The following BRINP3 variants were observed in gnomAD, a reference collection of about 807,000 sequenced individuals.
BRINP3 encodes BMP/retinoic acid inducible neural specific 3.
BRINP3 carries 19 observed loss-of-function variants against 71.0 expected under a neutral mutation model. That is an observed-to-expected ratio of 0.27 (90% CI 0.19 to 0.39). The LOEUF (loss-of-function observed/expected upper bound fraction) is 0.39. Among genes scored for constraint, BRINP3 ranks in the 10% least tolerant of loss-of-function variants. The pLI, the probability that BRINP3 is intolerant of heterozygous loss-of-function variation, is 1.00. For missense variants in BRINP3, 959 were observed against 940.8 expected (o/e 1.02, Z -0.25); for synonymous variants, 380 against 337.7 (o/e 1.13, Z -1.37).
intron 6 of BRINP3, among the ~76,000 whole-genome samples, chr1:190,192,505 C>T (rs927570439): frequency 1.3e-5 from 2 of 150,556 alleles, no homozygotes; most frequent in African/African-American, 4.9e-5. Context: ...CCAACATGTC[C>T]TGTTTGATAT....
At chr1:190,113,526 G>A (rs2102290507) in intron 7 of BRINP3, among the ~76,000 whole-genome samples, 1 of 152,236 alleles carries the variant, frequency 6.6e-6, no homozygotes, top group East Asian at 1.9e-4. Flanking sequence ...TAAACAAACA[G>A]CATGTGTCTC....
chr1:190,473,540 CTT>C (rs201424484), intron 1 of BRINP3, among the ~76,000 whole-genome samples: 57 of 132,998 alleles, frequency 4.3e-4, no homozygotes, highest in Admixed American at 6.1e-4. Flanking sequence ...TAATTTTTCT[CTT>C]TTTTTTTTTT....
At chr1:190,389,118 C>CA (rs1671088591) in intron 2 of BRINP3, among the ~76,000 whole-genome samples, 1 of 151,266 alleles carries the variant, frequency 6.6e-6, no homozygotes, top group Non-Finnish European at 1.5e-5. Flanking sequence ...TTTTATTTAG[C>CA]AAAAAATAAA....
rs775024077 is a variant in BRINP3 at position 190,454,766 on chromosome 1, C to G, written c.125G>C (p.Ser42Thr). The G allele has an allele frequency of 1.5e-5, 24 of 1,614,048 alleles. No homozygotes were observed. Among genetic ancestry groups the G allele is most frequent in the Non-Finnish European group, 1.6e-5 (19 of 1,180,036 alleles). The change falls in exon 2 of 8, where the codon AGC becomes ACC. Residue 42 changes from serine (S) to threonine (T), a missense_variant. Transcript: ENST00000367462. ...ATCAGAGAGGAGCCAGTCGAAGGGG[C>G]TTGTGGCATGCTGATCCGAAACAGC... ...VAAVSDQHAT[S>T]PFDWLLSDKG...
At chr1:190,340,727 C>T (rs1667600532) in intron 2 of BRINP3, among the ~76,000 whole-genome samples, 1 of 151,268 alleles carries the variant, frequency 6.6e-6, no homozygotes, top group South Asian at 2.1e-4. Context: ...AACAAAATCT[C>T]ATAGGCCCTG....
intron 6 of BRINP3, among the ~76,000 whole-genome samples, chr1:190,187,556 T>C (rs2102558691): frequency 6.6e-6 from 1 of 152,248 alleles, no homozygotes; most frequent in South Asian, 2.1e-4. Flanking sequence ...GATTTATGTA[T>C]ATGGCGTGAC....
At chr1:190,196,831 G>A (rs987938938) in intron 6 of BRINP3, among the ~76,000 whole-genome samples, 2 of 151,734 alleles carry the variant, frequency 1.3e-5, no homozygotes, top group Non-Finnish European at 2.9e-5. Flanking sequence ...GATAGTCACT[G>A]AGAAACTTTC....
At chr1:190,402,678 C>A (rs1672006936) in intron 2 of BRINP3, among the ~76,000 whole-genome samples, 1 of 152,062 alleles carries the variant, frequency 6.6e-6, no homozygotes, top group African/African-American at 2.4e-5. Context: ...ATAAAACTGG[C>A]CAAAATAAAA....
intron 2 of BRINP3, among the ~76,000 whole-genome samples, chr1:190,366,756 A>T (rs1370278354): frequency 1.3e-5 from 2 of 152,196 alleles, no homozygotes; most frequent in Non-Finnish European, 2.9e-5. Flanking sequence ...ATTGGCCAAA[A>T]CAAAGGGGCT....
chr1:190,323,434 C>T (rs1666375706), intron 2 of BRINP3, among the ~76,000 whole-genome samples: 1 of 151,756 alleles, frequency 6.6e-6, no homozygotes, highest in Admixed American at 6.6e-5. Context: ...AGAATCATAA[C>T]ATTTACAAAA....
At chr1:190,228,250 A>G (rs1363609173) in intron 5 of BRINP3, among the ~76,000 whole-genome samples, 2 of 151,964 alleles carry the variant, frequency 1.3e-5, no homozygotes, top group Non-Finnish European at 2.9e-5. Context: ...GCTAAAAACA[A>G]TTTGAATAAT....
At chr1:190,361,375 T>C (rs1669136662) in intron 2 of BRINP3, among the ~76,000 whole-genome samples, 1 of 151,672 alleles carries the variant, frequency 6.6e-6, no homozygotes, top group Admixed American at 6.6e-5. Context: ...TTTAGGAAAA[T>C]ATAAGACCAG....
chr1:190,316,590 A>G (rs1421794495), intron 2 of BRINP3, among the ~76,000 whole-genome samples: 1 of 152,078 alleles, frequency 6.6e-6, no homozygotes, highest in East Asian at 1.9e-4. Flanking sequence ...AAAACTCTCA[A>G]TATTTTACTA....
At chr1:190,313,402 C>T (rs1261315782) in intron 2 of BRINP3, among the ~76,000 whole-genome samples, 1 of 151,922 alleles carries the variant, frequency 6.6e-6, no homozygotes, top group Non-Finnish European at 1.5e-5. Context: ...GGTGGTGGGG[C>T]AGGCAGTATC....
intron 2 of BRINP3, among the ~76,000 whole-genome samples, chr1:190,316,763 G>GT (rs1487814100): frequency 6.6e-6 from 1 of 151,986 alleles, no homozygotes; most frequent in East Asian, 1.9e-4. Flanking sequence ...GAATTGTTGA[G>GT]TTTACATTAA....
intron 2 of BRINP3, among the ~76,000 whole-genome samples, chr1:190,290,128 G>A (rs188428754): frequency 6.6e-6 from 1 of 152,072 alleles, no homozygotes; most frequent in Non-Finnish European, 1.5e-5. Flanking sequence ...ACTCAGTAGA[G>A]GAATATATTT....
chr1:190,198,726 C>T (rs549979339), intron 6 of BRINP3, among the ~76,000 whole-genome samples: 3 of 152,084 alleles, frequency 2.0e-5, no homozygotes, highest in Admixed American at 1.3e-4. Flanking sequence ...ACCTCAGTCT[C>T]GATATTATTG....
At chr1:190,348,351 A>G (rs919625014) in intron 2 of BRINP3, among the ~76,000 whole-genome samples, 21 of 152,120 alleles carry the variant, frequency 1.4e-4, no homozygotes, top group Non-Finnish European at 2.1e-4. Context: ...AATTCAACCA[A>G]TAAGTGCTAT....
intron 2 of BRINP3, among the ~76,000 whole-genome samples, chr1:190,339,943 T>C (rs2103107398): frequency 6.6e-6 from 1 of 152,088 alleles, no homozygotes; most frequent in Admixed American, 6.6e-5. Flanking sequence ...ACTAGGCTTC[T>C]ATGTCCATTT....
Sources: gnomAD v4.1 joint callset for allele counts (sites outside exome capture counted in the v4.1 genomes callset) on GRCh38, gnomAD v4.1.1 for gene constraint, MANE v1.5 for transcripts, NCBI Gene and HGNC (gene_info 2026-07-23, HGNC 2026-07-21) for gene names.